ATAD3B: variants seen among roughly 807,000 people sequenced by gnomAD.
The protein encoded by ATAD3B is ATPase family AAA domain-containing protein 3B.
A neutral mutation model predicts 70.2 loss-of-function variants in ATAD3B; 59 were observed. The ratio of observed to expected loss-of-function variants is 0.84; its 90% CI spans 0.68 to 1.04. The LOEUF is 1.04. Among genes scored for constraint, ATAD3B ranks in the 50% least tolerant of loss-of-function variants. ATAD3B has a pLI of 0.00. For synonymous variants in ATAD3B, 423 were observed against 388.6 expected, an observed-to-expected ratio of 1.09 and a Z score of -1.04; for missense variants, 961 against 913.4, an observed-to-expected ratio of 1.05 and a Z score of -0.67.
chr1:1,482,906 TAGG>T (rs1639998964), intron 7 of ATAD3B: 1 of 519,510 alleles, frequency 1.9e-6, no homozygotes, highest in Admixed American at 2.5e-5. Flanking sequence ...GAGGCTGAGG[TAGG>T]AGGATCACTT....
At chr1:1,481,656 G>C (rs200239479) in intron 5 of ATAD3B, among the ~76,000 whole-genome samples, 12,695 of 136,004 alleles carry the variant, frequency 0.093, 1,541 homozygotes, top group East Asian at 0.45. Context: ...ACGCGTGTCT[G>C]AGTTCTGACA....
At position 1,480,174 on chromosome 1, in the gene ATAD3B, C is replaced by T. The variant is rs373770903; in HGVS notation, c.445-693C>T. The stretch of plus-strand genomic sequence containing the variant: ...ATACATACGGGCACGCACCTGCACA[C>T]GAGGGCACACCCCCACCCCCCACCC... On this transcript the variant is annotated intron_variant, in intron 4 of 15. Transcript: ENST00000673477. Among the ~76,000 whole-genome samples the T allele has an allele frequency of 9.8e-4, 139 of 141,580 alleles. 6 individuals carry two copies. The highest frequency in any genetic ancestry group is 2.4e-4 in the Non-Finnish European group (16 of 65,386). 92.9% of individuals were successfully genotyped at this position (141,580 alleles called of 152,430 possible). A position where few individuals can be genotyped will look rare whatever the true frequency, so the allele number is the denominator to read the frequency against.
intron 12 of ATAD3B, 135 bp from the exon 13 acceptor site, chr1:1,489,069 G>C: frequency 6.7e-7 from 1 of 1,483,362 alleles, no homozygotes; most frequent in Non-Finnish European, 9.1e-7. Flanking sequence ...GCCCTGGTCA[G>C]GATTTTGAGT....
At chr1:1,480,564 T>G (rs954576886) in intron 4 of ATAD3B, among the ~76,000 whole-genome samples, 1 of 147,740 alleles carries the variant, frequency 6.8e-6, no homozygotes, top group Non-Finnish European at 1.5e-5. Context: ...AGAAGCTTCC[T>G]TAAGCCCAGC....
rs1167528765 is a variant in ATAD3B, at chr1:1,477,524, CGCT to C, written c.282+177_282+179del. 2.6e-5 allele frequency among the ~76,000 whole-genome samples: 4 copies of C among 151,866 alleles called. No individual in the cohort carries two copies. The East Asian group carries it at 7.7e-4, about 29-fold the overall frequency. Reference sequence around the variant, plus strand: ...GAGGGAAACAAGGGGAGGTGAGAGACGCTGCCGCAGAGCCGCCCGAGAGGGAGG... The same window carrying C: ...GAGGGAAACAAGGGGAGGTGAGAGACGCCGCAGAGCCGCCCGAGAGGGAGG... On this transcript the variant is annotated intron_variant, in intron 2 of 15. Transcript: ENST00000673477.
chr1:1,509,309 G>A, the ATAD3B span: 1 of 1,612,482 alleles, frequency 6.2e-7, no homozygotes, highest in African/African-American at 1.3e-5. Flanking sequence ...GCTGGCTGAA[G>A]AGGGGGAGGC....
downstream of ATAD3B, among the ~76,000 whole-genome samples, chr1:1,498,444 G>C (rs968116429): frequency 1.8e-4 from 27 of 151,922 alleles, no homozygotes; most frequent in African/African-American, 6.5e-4. Flanking sequence ...CTGGGTGACA[G>C]AGTGAGACCC....
chr1:1,491,298 G>A (rs1426691835), intron 15 of ATAD3B, among the ~76,000 whole-genome samples: 1 of 152,044 alleles, frequency 6.6e-6, no homozygotes, highest in Non-Finnish European at 1.5e-5. Context: ...CACTTTGGGA[G>A]GCTGAGGCAG....
chr1:1,490,290 G>A lies in ATAD3B; in HGVS notation c.1371G>A (p.Glu457=), dbSNP rs1460281230. Residue 457 remains glutamate, a synonymous_variant, in exon 14 of 16, where the codon GAG becomes GAA. Transcript: ENST00000673477. ...FMLVLASNLP[E]QFDCAINSRI... is the part of the protein sequence containing the mutation. ...TGGTCCTGGCCAGCAATCTGCCTGA[G>A]CAGTTCGACTGTGCCATCAACAGCC... is the stretch of plus-strand genomic sequence containing the variant. 2 of 1,613,106 alleles carry A rather than the reference G, an allele frequency of 1.2e-6. No individual in the cohort carries two copies. The highest frequency in any genetic ancestry group is 1.7e-6 in the Non-Finnish European group (2 of 1,179,680).
intron 15 of ATAD3B, among the ~76,000 whole-genome samples, chr1:1,492,498 G>A (rs146209827): frequency 6.7e-6 from 1 of 149,840 alleles, no homozygotes; most frequent in Non-Finnish European, 1.5e-5. Flanking sequence ...ATAATAATAA[G>A]AAGAATAATA....
Position 1,490,317 on chromosome 1 carries a change from C to T in ATAD3B, c.1398C>T (p.Arg466=), listed in dbSNP as rs142123676. ...AGTTCGACTGTGCCATCAACAGCCG[C>T]ATTGACGTGATGGTCCACTTCGACC... The part of the protein sequence containing the change: ...PEQFDCAINS[R]IDVMVHFDLP... The change falls in exon 14 of 16, where the codon CGC becomes CGT. Residue 466 remains arginine (R), a synonymous_variant. Coordinates refer to ENST00000673477, the MANE Select transcript of ATAD3B (RefSeq NM_031921.6). The T allele has an allele frequency of 1.7e-5, 27 of 1,613,178 alleles. No homozygotes were observed. In the African/African-American group the frequency reaches 3.2e-4, roughly 19 times the overall value.
In ATAD3B at chr1:1,486,350, C is replaced by T. The variant is rs1243124703; in HGVS notation, c.1089+115C>T. 3.8e-6 allele frequency: 6 copies of T among 1,591,832 alleles called. No homozygotes were observed. The South Asian group carries it at 4.5e-5, about 12-fold the overall frequency. The stretch of plus-strand genomic sequence containing the variant: ...GGACCCCCCTTAGGCCTTTGCCTAC[C>T]CTCGTGTAGGCTCAGGGTGCTGGTG... On this transcript the variant is annotated intron_variant, in intron 10 of 15. Transcript: ENST00000673477.
intron 1 of ATAD3B, among the ~76,000 whole-genome samples, chr1:1,472,343 A>G (rs1245936497): frequency 6.6e-6 from 1 of 151,862 alleles, no homozygotes; most frequent in Non-Finnish European, 1.5e-5. Context: ...CTCATAGGTT[A>G]CAGGGGTCAG....
chr1:1,480,992 C>T lies in ATAD3B; in HGVS notation c.514+56C>T, dbSNP rs573375097. On this transcript the variant is annotated intron_variant, in intron 5 of 15. Transcript: ENST00000673477. ...AGGTGGCGGGGGCTGCTTGTGGATC[C>T]GGCGTGCACTCTGAGCCTGAGTTCT... is the stretch of plus-strand genomic sequence containing the variant. The T allele has an allele frequency of 5.8e-5, 91 of 1,575,038 alleles. 7 individuals carry two copies. In the Middle Eastern group the frequency reaches 6.9e-4, roughly 12 times the overall value.
chr1:1,487,624 A>G (rs1228545556), intron 11 of ATAD3B, among the ~76,000 whole-genome samples: 1 of 151,820 alleles, frequency 6.6e-6, no homozygotes, highest in East Asian at 1.9e-4. Flanking sequence ...CCTGCAGGGC[A>G]GAGTCTGTTG....
chr1:1,496,256 C>T lies in ATAD3B; in HGVS notation c.*439C>T, dbSNP rs566369470. ...GCTCGGGGTTTCAGGGGCGCCCTAG[C>T]GTCCTCCTGGGGTCAAAGGTGACAT... On this transcript the variant is annotated 3_prime_UTR_variant, in exon 16 of 16. Transcript: ENST00000673477. The T allele has an allele frequency of 2.5e-5, 25 of 993,604 alleles. No homozygotes were observed. Among genetic ancestry groups the T allele is most frequent in the African/African-American group, 2.3e-4 (13 of 57,622 alleles). 61.5% of individuals were successfully genotyped at this position (993,604 alleles called of 1,614,324 possible). A position where few individuals can be genotyped will look rare whatever the true frequency, so the allele number is the denominator to read the frequency against.
the ATAD3B span, among the ~76,000 whole-genome samples, chr1:1,508,510 C>A: frequency 6.6e-6 from 1 of 151,336 alleles, no homozygotes; most frequent in Non-Finnish European, 1.5e-5. Flanking sequence ...GTCCTGGTGC[C>A]CTCCTGAGCA....
intron 1 of ATAD3B, among the ~76,000 whole-genome samples, chr1:1,475,495 T>C (rs1023873024): frequency 1.3e-5 from 2 of 151,906 alleles, no homozygotes; most frequent in Non-Finnish European, 2.9e-5. Flanking sequence ...CTTGCTGCTC[T>C]CCAGGCAAAC....
chr1:1,478,337 C>A, intron 2 of ATAD3B: 3 of 1,251,882 alleles, frequency 2.4e-6, no homozygotes, highest in African/African-American at 3.0e-5. Context: ...GCTCTGCCCT[C>A]ATCACAGTCC....
Sources: gnomAD v4.1 joint callset for allele counts (sites outside exome capture counted in the v4.1 genomes callset) on GRCh38, gnomAD v4.1.1 for gene constraint, MANE v1.5 for transcripts, NCBI Gene and HGNC (gene_info 2026-07-23, HGNC 2026-07-21) for gene names.